Variants in NAALADL2 observed in about 807,000 individuals in gnomAD.
The protein encoded by NAALADL2 is N-acetylated alpha-linked acidic dipeptidase like 2.
NAALADL2 carries 76 observed loss-of-function variants against 87.2 expected under a neutral mutation model. The ratio of observed to expected loss-of-function variants is 0.87; its 90% CI spans 0.72 to 1.05. The LOEUF (loss-of-function observed/expected upper bound fraction) is 1.05, where lower values mean the gene tolerates loss of function less well. Ranked by LOEUF, NAALADL2 falls within the 50% of genes least tolerant of loss-of-function variation. The pLI is 0.00. For synonymous variants in NAALADL2, 354 were observed against 331.0 expected (o/e 1.07, Z -0.75); for missense variants, 1,089 against 945.8 (o/e 1.15, Z -1.99).
intron 1 of NAALADL2, among the ~76,000 whole-genome samples, chr3:174,524,561 T>C (rs1236245395): frequency 6.6e-6 from 1 of 152,078 alleles, no homozygotes; most frequent in Non-Finnish European, 1.5e-5. Flanking sequence ...TATTGTTTTT[T>C]TGTGACAGAG....
chr3:175,206,614 G>A (rs1740962639), intron 2 of NAALADL2, among the ~76,000 whole-genome samples: 2 of 151,918 alleles, frequency 1.3e-5, no homozygotes, highest in African/African-American at 4.8e-5. Context: ...AGTGTATACT[G>A]CTCGGGTGAT....
chr3:174,671,339 A>G (rs867148268), intron 2 of NAALADL2, among the ~76,000 whole-genome samples: 15 of 152,104 alleles, frequency 9.9e-5, no homozygotes, highest in African/African-American at 3.4e-4. Context: ...TCTCTTGGCA[A>G]TGTCCATTGT....
chr3:175,590,211 AATATATATATAT>A (rs66991809), intron 10 of NAALADL2, among the ~76,000 whole-genome samples: 15 of 5,918 alleles, frequency 2.5e-3, no homozygotes, highest in South Asian at 0.013. Flanking sequence ...GACTCCGTCT[AATATATATATAT>A]ATATATATAT....
chr3:175,667,813 G>C (rs991713536), intron 11 of NAALADL2, among the ~76,000 whole-genome samples: 30 of 144,792 alleles, frequency 2.1e-4, no homozygotes, highest in African/African-American at 7.7e-4. Context: ...CCTTCTACCT[G>C]TGAGTCTATC....
rs1174600904 is a variant in NAALADL2, at chr3:175,013,278, CATAT to C, written c.44-83491_44-83488del. On this transcript the variant is annotated intron_variant, in intron 1 of 13. Transcript: ENST00000454872. ...ATATACATATATTTTTATATATATA[CATAT>C]ATATATATATATATATATATTTTTT... is the stretch of plus-strand genomic sequence containing the variant. Among the ~76,000 whole-genome samples the C allele has an allele frequency of 1.8e-3, 132 of 73,718 alleles. 3 individuals are homozygous for C. The highest frequency in any genetic ancestry group is 0.012 in the Middle Eastern group (1 of 84). 48.4% of individuals were successfully genotyped at this position (73,718 alleles called of 152,430 possible).
chr3:174,454,752 A>G (rs924851313), intron 1 of NAALADL2, among the ~76,000 whole-genome samples: 3 of 152,178 alleles, frequency 2.0e-5, no homozygotes, highest in African/African-American at 4.8e-5. Flanking sequence ...AGGGAAATGT[A>G]TAATATTAAA....
chr3:175,734,411 G>A (rs180675869), intron 11 of NAALADL2, among the ~76,000 whole-genome samples: 117 of 151,794 alleles, frequency 7.7e-4, no homozygotes, highest in African/African-American at 2.5e-3. Flanking sequence ...AACAAAATTA[G>A]CTGGGCGTGG....
At chr3:175,371,645 C>T (rs1209671229) in intron 5 of NAALADL2, among the ~76,000 whole-genome samples, 1 of 151,412 alleles carries the variant, frequency 6.6e-6, no homozygotes, top group Non-Finnish European at 1.5e-5. Context: ...GCCAAGATGG[C>T]GAAATCCCGT....
At chr3:175,708,749 AAG>A (rs546957999) in intron 11 of NAALADL2, among the ~76,000 whole-genome samples, 162 of 152,126 alleles carry the variant, frequency 1.1e-3, no homozygotes, top group African/African-American at 3.7e-3. Flanking sequence ...CAAAAATAAA[AAG>A]AGAGTGAGTT....
chr3:175,746,165 C>CTT (rs150272211), intron 12 of NAALADL2, among the ~76,000 whole-genome samples: 1 of 147,702 alleles, frequency 6.8e-6, no homozygotes, highest in African/African-American at 2.5e-5. Context: ...TGACTTTTTT[C>CTT]TTTTTTTTTT....
intron 11 of NAALADL2, among the ~76,000 whole-genome samples, chr3:175,660,877 T>C (rs959300170): frequency 6.6e-6 from 1 of 152,124 alleles, no homozygotes; most frequent in Non-Finnish European, 1.5e-5. Flanking sequence ...ACTGTGTATA[T>C]ATGCCACATT....
At chr3:175,286,498 T>G (rs1581259153) in intron 4 of NAALADL2, among the ~76,000 whole-genome samples, 1 of 152,278 alleles carries the variant, frequency 6.6e-6, no homozygotes, top group East Asian at 1.9e-4. Flanking sequence ...CTTTAAAAAC[T>G]TTCAAATTTC....
At chr3:175,765,251 A>G (rs1407443494) in intron 13 of NAALADL2, among the ~76,000 whole-genome samples, 1 of 152,134 alleles carries the variant, frequency 6.6e-6, no homozygotes, top group African/African-American at 2.4e-5. Flanking sequence ...TGATCATTAT[A>G]TACATTCCCT....
chr3:175,315,878 A>G (rs1448913588), intron 4 of NAALADL2, among the ~76,000 whole-genome samples: 2 of 152,198 alleles, frequency 1.3e-5, no homozygotes, highest in Non-Finnish European at 2.9e-5. Context: ...CTTTTTTAAC[A>G]ATAGAAATTT....
intron 5 of NAALADL2, among the ~76,000 whole-genome samples, chr3:175,360,857 A>G (rs1428276090): frequency 1.5e-5 from 2 of 136,556 alleles, no homozygotes; most frequent in Non-Finnish European, 3.3e-5. Flanking sequence ...TGTATCTCAC[A>G]ATTTCTTTTT....
chr3:175,203,349 C>A (rs2109176733), intron 2 of NAALADL2, among the ~76,000 whole-genome samples: 1 of 152,228 alleles, frequency 6.6e-6, no homozygotes, highest in South Asian at 2.1e-4. Context: ...TTTCGCTCAG[C>A]TCTCTAAACT....
intron 1 of NAALADL2, among the ~76,000 whole-genome samples, chr3:175,002,518 C>T (rs1471170341): frequency 1.3e-5 from 2 of 152,094 alleles, no homozygotes; most frequent in African/African-American, 4.8e-5. Flanking sequence ...ACCCATGCCA[C>T]TTAATGATAT....
intron 11 of NAALADL2, among the ~76,000 whole-genome samples, chr3:175,735,494 A>T (rs1394663546): frequency 6.6e-6 from 1 of 152,172 alleles, no homozygotes; most frequent in African/African-American, 2.4e-5. Flanking sequence ...AGACTGGGCA[A>T]TTTACAAAGG....
chr3:174,822,286 T>G (rs1721516269), intron 3 of NAALADL2, among the ~76,000 whole-genome samples: 1 of 152,116 alleles, frequency 6.6e-6, no homozygotes, highest in Admixed American at 6.6e-5. Flanking sequence ...CGGCCCCTGC[T>G]TATTGCACAG....
Sources: gnomAD v4.1 joint callset for allele counts (sites outside exome capture counted in the v4.1 genomes callset) on GRCh38, gnomAD v4.1.1 for gene constraint, MANE v1.5 for transcripts, NCBI Gene and HGNC (gene_info 2026-07-23, HGNC 2026-07-21) for gene names.